PKHD1: variants seen among roughly 807,000 people sequenced by gnomAD.
PKHD1 encodes PKHD1 ciliary IPT domain containing fibrocystin/polyductin.
PKHD1 carries 291 observed loss-of-function variants against 412.0 expected under a neutral mutation model. That is an observed-to-expected ratio of 0.71 (90% CI 0.64 to 0.78). The LOEUF (loss-of-function observed/expected upper bound fraction) is 0.78. Among genes scored for constraint, PKHD1 ranks in the 30% least tolerant of loss-of-function variants. The pLI is 0.00. For missense variants in PKHD1, 4,825 were observed against 4,950.7 expected, an observed-to-expected ratio of 0.97 and a Z score of 0.76; for synonymous variants, 1,777 against 1,821.5, an observed-to-expected ratio of 0.98 and a Z score of 0.62.
intron 43 of PKHD1, among the ~76,000 whole-genome samples, chr6:51,888,421 A>C (rs905065988): frequency 6.6e-6 from 1 of 152,144 alleles, no homozygotes; most frequent in Admixed American, 6.5e-5. Context: ...CAAATTAAAA[A>C]ACTGACTTCC....
At chr6:51,651,716 A>G (rs1771009344) in intron 61 of PKHD1, among the ~76,000 whole-genome samples, 1 of 152,138 alleles carries the variant, frequency 6.6e-6, no homozygotes, top group Admixed American at 6.6e-5. Flanking sequence ...CTGAAATGAA[A>G]GTGATCACAA....
intron 12 of PKHD1, 91 bp from the exon 13 acceptor site, chr6:52,065,141 A>ATG: frequency 1.8e-5 from 1 of 54,702 alleles, no homozygotes; most frequent in Non-Finnish European, 3.1e-5. Context: ...AATTATATAT[A>ATG]TATATATATA....
intron 60 of PKHD1, chr6:51,721,147 G>T (rs2150825300): frequency 1.1e-6 from 1 of 950,774 alleles, no homozygotes; most frequent in Non-Finnish European, 1.3e-6. Context: ...TGGAACACTG[G>T]GCACATGGGA....
At chr6:51,742,623 G>A (rs901022141) in intron 60 of PKHD1, among the ~76,000 whole-genome samples, 1 of 152,020 alleles carries the variant, frequency 6.6e-6, no homozygotes, top group African/African-American at 2.4e-5. Flanking sequence ...CTTCTGGCTG[G>A]TTACTTATAA....
intron 60 of PKHD1, among the ~76,000 whole-genome samples, chr6:51,739,478 G>A (rs1227240508): frequency 1.3e-5 from 2 of 152,086 alleles, no homozygotes; most frequent in African/African-American, 4.8e-5. Flanking sequence ...TGATCTGCCT[G>A]CCTCAGCCTC....
At chr6:51,697,349 GCAATCAAATCT>G (rs1778924149) in intron 60 of PKHD1, among the ~76,000 whole-genome samples, 2 of 152,170 alleles carry the variant, frequency 1.3e-5, no homozygotes, top group African/African-American at 4.8e-5. Context: ...TACAATAATT[GCAATCAAATCT>G]GATTGGAGAG....
chr6:51,912,596 A>G lies in PKHD1; in HGVS notation c.6122-20T>C. On this transcript the variant is annotated intron_variant, in intron 37 of 66. Transcript: ENST00000371117. ...GTGAACCTAAAGCAGCCCGAGGAAA[A>G]GTTGTCCAGATAATTTAATCATTAA... The G allele has an allele frequency of 1.3e-6, 2 of 1,507,294 alleles. No individual in the cohort carries two copies. The highest frequency in any genetic ancestry group is 1.1e-5 in the South Asian group (1 of 88,828). 93.4% of individuals were successfully genotyped at this position (1,507,294 alleles called of 1,614,324 possible).
At position 51,787,076 on chromosome 6, in the gene PKHD1, A is replaced by C. The variant is rs576613754; in HGVS notation, c.8440+4160T>G. Among the ~76,000 whole-genome samples, 6 of 152,260 alleles carry C rather than the reference A, an allele frequency of 3.9e-5. No homozygotes were observed. The South Asian group carries it at 1.2e-3, about 32-fold the overall frequency. On this transcript the variant is annotated intron_variant, in intron 53 of 66. Coordinates refer to ENST00000371117, the MANE Select transcript of PKHD1 (RefSeq NM_138694.4). ...CACCAGTTGCCTTACAAGCAGGACCACCGGCTGGGCATGGTGGCTCATGCC... is the reference window on the plus strand; with the variant it reads ...CACCAGTTGCCTTACAAGCAGGACCCCCGGCTGGGCATGGTGGCTCATGCC...
At chr6:51,717,002 G>C (rs1225316724) in intron 60 of PKHD1, among the ~76,000 whole-genome samples, 1 of 152,192 alleles carries the variant, frequency 6.6e-6, no homozygotes, top group African/African-American at 2.4e-5. Context: ...ACTGTGTTAG[G>C]TGTTGCACTA....
chr6:51,823,184 A>G (rs78404023), intron 52 of PKHD1, among the ~76,000 whole-genome samples: 1,711 of 152,254 alleles, frequency 0.011, 27 homozygotes, highest in Middle Eastern at 0.051. Context: ...TCAGGCTACA[A>G]CAGAAGGTGC....
At position 52,065,158 on chromosome 6, in the gene PKHD1, T is replaced by TAG. The variant is rs1189756824; in HGVS notation, c.881-109_881-108insCT. On this transcript the variant is annotated intron_variant, in intron 12 of 66. Transcript: ENST00000371117. ...TTATATATATATATATATATATATATATATATATATAGAGAGAGAGAGAGA... is the reference window on the plus strand; with the variant it reads ...TTATATATATATATATATATATATATAGATATATATATAGAGAGAGAGAGAGA... 315 of 78,392 alleles carry TAG rather than the reference T, an allele frequency of 4.0e-3. 2 individuals carry two copies. Among genetic ancestry groups the TAG allele is most frequent in the Admixed American group, 0.015 (98 of 6,384 alleles). 4.9% of individuals were successfully genotyped at this position (78,392 alleles called of 1,614,324 possible).
chr6:51,795,948 T>C (rs1218753072), intron 52 of PKHD1, among the ~76,000 whole-genome samples: 1 of 152,226 alleles, frequency 6.6e-6, no homozygotes, highest in Non-Finnish European at 1.5e-5. Flanking sequence ...AACTTTTGCA[T>C]TGGTGTTCAT....
At chr6:51,904,424 G>A (rs1781756770) in intron 41 of PKHD1, among the ~76,000 whole-genome samples, 1 of 152,042 alleles carries the variant, frequency 6.6e-6, no homozygotes. Context: ...GGAACAGGAT[G>A]GACAACATCT....
Position 52,056,941 on chromosome 6 carries a change from A to G in PKHD1, c.1551T>C (p.Thr517=), listed in dbSNP as rs200317597. The change falls in exon 17 of 67, where the codon ACT becomes ACC. Residue 517 remains threonine (T), a synonymous_variant. Coordinates refer to ENST00000371117, the MANE Select transcript of PKHD1 (RefSeq NM_138694.4). ...TTGGCTGACTAGAGACATTGTCCCA[A>G]GTAAGGAAGAAGTTTCCTCTGCCTG... ...NVSGRGNFFL[T]WDNVSSQPIP... 1.9e-6 allele frequency: 3 copies of G among 1,614,026 alleles called. No homozygotes were observed. In the African/African-American group the frequency reaches 4.0e-5, roughly 22 times the overall value.
At chr6:52,017,330 G>T in intron 34 of PKHD1, 80 bp downstream of exon 34, 1 of 1,035,482 alleles carries the variant, frequency 9.7e-7, no homozygotes, top group Non-Finnish European at 1.5e-6. Flanking sequence ...CATCCACCCA[G>T]CCTACACTCT....
intron 52 of PKHD1, among the ~76,000 whole-genome samples, chr6:51,806,552 C>G (rs4470847): frequency 0.6 from 90,835 of 151,964 alleles, 27,549 homozygotes; most frequent in East Asian, 0.78. Flanking sequence ...TGGACAATTA[C>G]ACATATAGGT....
intron 48 of PKHD1, among the ~76,000 whole-genome samples, chr6:51,862,151 A>G (rs767606963): frequency 3.9e-5 from 6 of 152,170 alleles, no homozygotes; most frequent in Non-Finnish European, 5.9e-5. Flanking sequence ...CCCATCATTG[A>G]CCCTTCTTCC....
At chr6:51,854,601 A>G (rs1217975278) in intron 49 of PKHD1, among the ~76,000 whole-genome samples, 1 of 152,086 alleles carries the variant, frequency 6.6e-6, no homozygotes, top group Admixed American at 6.5e-5. Context: ...GGAGATATGA[A>G]TTCTGTCCCG....
intron 37 of PKHD1, among the ~76,000 whole-genome samples, chr6:51,929,981 T>C (rs1305735534): frequency 6.6e-6 from 1 of 152,340 alleles, no homozygotes; most frequent in South Asian, 2.1e-4. Flanking sequence ...GAGACATTGA[T>C]AAATTTCCCT....
Sources: gnomAD v4.1 joint callset for allele counts (sites outside exome capture counted in the v4.1 genomes callset) on GRCh38, gnomAD v4.1.1 for gene constraint, MANE v1.5 for transcripts, NCBI Gene and HGNC (gene_info 2026-07-23, HGNC 2026-07-21) for gene names.